TAF4B: variants seen among roughly 807,000 people sequenced by gnomAD.
TAF4B encodes the protein transcription initiation factor TFIID subunit 4B.
Under a neutral mutation model 86.4 loss-of-function variants are expected in TAF4B, and 38 were observed. The ratio of observed to expected loss-of-function variants is 0.44; its 90% confidence interval spans 0.34 to 0.58. The LOEUF (loss-of-function observed/expected upper bound fraction) is 0.58, where lower values mean the gene tolerates loss of function less well. Ranked by LOEUF, TAF4B falls within the 20% of genes least tolerant of loss-of-function variation. The pLI is 0.02. For missense variants in TAF4B, 988 were observed against 1,027.6 expected (o/e 0.96, Z 0.53); for synonymous variants, 388 against 391.2 (o/e 0.99, Z 0.10).
intron 1 of TAF4B, among the ~76,000 whole-genome samples, chr18:26,259,657 C>T (rs1285113296): frequency 2.0e-5 from 3 of 152,150 alleles, no homozygotes; most frequent in African/African-American, 7.2e-5. Context: ...TGTATATGTG[C>T]CACATTTTCT....
chr18:26,288,088 G>T (rs2056547247), intron 7 of TAF4B, among the ~76,000 whole-genome samples: 1 of 152,170 alleles, frequency 6.6e-6, no homozygotes, highest in Non-Finnish European at 1.5e-5. Flanking sequence ...TAGAGGAATT[G>T]CCCCAAGGAA....
intron 1 of TAF4B, among the ~76,000 whole-genome samples, chr18:26,236,973 A>G (rs1480705333): frequency 6.6e-6 from 1 of 152,180 alleles, no homozygotes; most frequent in Non-Finnish European, 1.5e-5. Context: ...CCGCTGGAGC[A>G]AGGCAGTAAG....
At chr18:26,371,843 C>T (rs541275572) in intron 14 of TAF4B, among the ~76,000 whole-genome samples, 2 of 152,240 alleles carry the variant, frequency 1.3e-5, no homozygotes, top group East Asian at 3.9e-4. Context: ...TGAGGAAAGA[C>T]CCTGCCTCAC....
Position 26,226,871 on chromosome 18 carries a change from A to C in TAF4B, c.-63A>C. ...GCACCGGAGTCGGCTGCCGCGCGCCAAGCCTCCCCTCACCTCTGCTCCCGG... is the reference window on the plus strand; with the variant it reads ...GCACCGGAGTCGGCTGCCGCGCGCCCAGCCTCCCCTCACCTCTGCTCCCGG... On this transcript the variant is annotated 5_prime_UTR_variant, in exon 1 of 15. Coordinates refer to ENST00000269142, the MANE Select transcript of TAF4B (RefSeq NM_005640.3). 2 of 1,267,950 alleles carry C rather than the reference A, an allele frequency of 1.6e-6. No homozygotes were observed. The allele number at this position is 1,267,950 out of a possible 1,614,324, so 78.5% of individuals were successfully genotyped here.
chr18:26,281,554 A>G (rs535920896), intron 5 of TAF4B, among the ~76,000 whole-genome samples: 1 of 152,228 alleles, frequency 6.6e-6, no homozygotes, highest in Non-Finnish European at 1.5e-5. Flanking sequence ...TGCAAAGAAC[A>G]CCAGCAGGCT....
At chr18:26,293,309 C>A in intron 8 of TAF4B, 117 bp from the exon 9 acceptor site, 1 of 629,148 alleles carries the variant, frequency 1.6e-6, no homozygotes, top group Non-Finnish European at 2.8e-6. Context: ...AGTTCTAGGG[C>A]AGCTTGGAAT....
intron 12 of TAF4B, among the ~76,000 whole-genome samples, chr18:26,329,802 CTTTTTGA>C (rs376939840): frequency 6.6e-6 from 1 of 151,992 alleles, no homozygotes. Flanking sequence ...ATCTCCCCCA[CTTTTTGA>C]TTTTTATTTT....
intron 7 of TAF4B, among the ~76,000 whole-genome samples, chr18:26,291,391 G>T (rs12957038): frequency 0.21 from 31,527 of 151,852 alleles, 4,130 homozygotes; most frequent in Non-Finnish European, 0.3. Context: ...CTTTAGACCG[G>T]GCGTGGTGGC....
At chr18:26,348,543 T>G (rs1398644900) in intron 13 of TAF4B, 2 of 154,746 alleles carry the variant, frequency 1.3e-5, no homozygotes, top group Admixed American at 6.6e-5. Flanking sequence ...AGAGAAACCT[T>G]ACAAATGTAG....
At chr18:26,277,333 A>G (rs2056395663) in intron 5 of TAF4B, among the ~76,000 whole-genome samples, 1 of 152,030 alleles carries the variant, frequency 6.6e-6, no homozygotes, top group South Asian at 2.1e-4. Flanking sequence ...TAATCATCCC[A>G]CCTTGGCCTG....
At chr18:26,372,885 C>T (rs955792440) in intron 14 of TAF4B, among the ~76,000 whole-genome samples, 1 of 149,304 alleles carries the variant, frequency 6.7e-6, no homozygotes, top group African/African-American at 2.5e-5. Context: ...AGGAGAATGG[C>T]GTGAACTTGG....
chr18:26,317,310 C>T (rs192441339), intron 10 of TAF4B, among the ~76,000 whole-genome samples: 2 of 152,214 alleles, frequency 1.3e-5, no homozygotes, highest in Non-Finnish European at 2.9e-5. Flanking sequence ...GGGTTACAGT[C>T]GTGAGCCACT....
intron 9 of TAF4B, among the ~76,000 whole-genome samples, chr18:26,305,807 T>C (rs1233034069): frequency 6.6e-6 from 1 of 152,248 alleles, no homozygotes; most frequent in Non-Finnish European, 1.5e-5. Flanking sequence ...TTACTTGTTA[T>C]TTTTCTCTCG....
intron 10 of TAF4B, among the ~76,000 whole-genome samples, chr18:26,316,114 A>G (rs2056908818): frequency 6.6e-6 from 1 of 152,060 alleles, no homozygotes; most frequent in Non-Finnish European, 1.5e-5. Flanking sequence ...CTGAGGCATG[A>G]GAATCGCTTG....
chr18:26,300,307 T>TTTATTATTATTA lies in TAF4B; in HGVS notation c.1832+6795_1832+6806dup, dbSNP rs57272091. On this transcript the variant is annotated intron_variant, in intron 9 of 14. Transcript: ENST00000269142. ...CCTGGCTTGTTTTCTAATGTAGGCATTTATTATTATTATTATTATTATTAT... is the reference window on the plus strand; with the variant it reads ...CCTGGCTTGTTTTCTAATGTAGGCATTTATTATTATTATTATTATTATTATTATTATTATTAT... Among the ~76,000 whole-genome samples the TTTATTATTATTA allele has an allele frequency of 6.0e-3, 873 of 145,386 alleles. 5 individuals carry two copies. Among genetic ancestry groups the TTTATTATTATTA allele is most frequent in the African/African-American group, 0.018 (701 of 39,146 alleles).
intron 13 of TAF4B, among the ~76,000 whole-genome samples, chr18:26,347,575 A>G (rs1432602362): frequency 6.6e-6 from 1 of 152,244 alleles, no homozygotes; most frequent in African/African-American, 2.4e-5. Flanking sequence ...GTCCACACCT[A>G]TCAGTAATAA....
intron 13 of TAF4B, among the ~76,000 whole-genome samples, chr18:26,346,805 A>ATATATATATGTG (rs2057191177): frequency 8.1e-5 from 2 of 24,620 alleles, no homozygotes; most frequent in Non-Finnish European, 1.1e-4. Context: ...ATATGTGTAT[A>ATATATATATGTG]TATATATATA....
intron 10 of TAF4B, among the ~76,000 whole-genome samples, chr18:26,316,966 A>T (rs1328096619): frequency 6.6e-6 from 1 of 151,514 alleles, no homozygotes; most frequent in East Asian, 1.9e-4. Context: ...CCATATAATT[A>T]TCTAGTGCTT....
intron 11 of TAF4B, among the ~76,000 whole-genome samples, chr18:26,323,534 T>C (rs575513015): frequency 6.6e-6 from 1 of 151,948 alleles, no homozygotes; most frequent in East Asian, 1.9e-4. Context: ...TAATTTTTTT[T>C]TTTTTTTTTT....
Sources: allele counts gnomAD v4.1 joint callset (sites outside exome capture counted in the v4.1 genomes callset), GRCh38; gene constraint gnomAD v4.1.1; transcripts MANE v1.5; gene names NCBI Gene and HGNC (gene_info 2026-07-23, HGNC 2026-07-21).